Variants in IGLL5 observed in about 807,000 individuals in gnomAD.
The protein encoded by IGLL5 is immunoglobulin lambda-like polypeptide 5.
A neutral mutation model predicts 20.9 loss-of-function variants in IGLL5; 30 were observed. The observed-to-expected ratio is 1.44, with a 90% confidence interval of 1.07 to 1.95. IGLL5 has a LOEUF of 1.95. Ranked by LOEUF, IGLL5 falls within the 30% of genes most tolerant of loss-of-function variation. The pLI, the probability that IGLL5 is intolerant of heterozygous loss-of-function variation, is 0.00. For synonymous variants in IGLL5, 203 were observed against 117.3 expected (o/e 1.73, Z -4.72); for missense variants, 475 against 270.7 (o/e 1.75, Z -5.30).
intron 1 of IGLL5, among the ~76,000 whole-genome samples, chr22:22,890,066 A>T (rs1601610895): frequency 6.6e-6 from 1 of 150,574 alleles, no homozygotes; most frequent in African/African-American, 2.4e-5. Flanking sequence ...TTCTAATATA[A>T]TTTTTAATAC....
intron 1 of IGLL5, among the ~76,000 whole-genome samples, chr22:22,888,463 T>G (rs2067601188): frequency 2.0e-5 from 3 of 151,400 alleles, no homozygotes; most frequent in East Asian, 2.0e-4. Context: ...ATTACGATAT[T>G]ATTTTTCTTG....
rs755794558 is a variant in IGLL5 at position 22,888,173 on chromosome 22, C to T, written c.120C>T (p.Arg40=). 5.2e-6 allele frequency: 8 copies of T among 1,549,076 alleles called. No homozygotes were observed. Among genetic ancestry groups the T allele is most frequent in the Middle Eastern group, 1.7e-4 (1 of 5,798 alleles). ...GLAMVAHGLL[R]PMVAPQSGDP... The stretch of plus-strand genomic sequence containing the variant: ...CCATGGTCGCCCATGGCCTGCTGCG[C>T]CCAATGGTTGCACCGCAAAGCGGGG... Residue 40 remains arginine, a synonymous_variant, in exon 1 of 3, where the codon CGC becomes CGT. Transcript: ENST00000526893.
At position 22,888,203 on chromosome 22, in the gene IGLL5, A is replaced by C. The variant is rs1470123916; in HGVS notation, c.150A>C (p.Pro50=). 7 of 1,548,656 alleles carry C rather than the reference A, an allele frequency of 4.5e-6. No homozygotes were observed. The highest frequency in any genetic ancestry group is 4.1e-5 in the African/African-American group (3 of 72,882). The change falls in exon 1 of 3, where the codon CCA becomes CCC. Residue 50 remains proline (P), a synonymous_variant. Coordinates refer to ENST00000526893, the MANE Select transcript of IGLL5 (RefSeq NM_001178126.2). ...RPMVAPQSGD[P]DPGASVGSSR... is the part of the protein sequence containing the mutation. ...TGGTTGCACCGCAAAGCGGGGACCC[A>C]GACCCTGGAGCCTCAGTTGGAAGCA...
At chr22:22,889,548 T>G (rs532298340) in intron 1 of IGLL5, among the ~76,000 whole-genome samples, 3 of 151,262 alleles carry the variant, frequency 2.0e-5, no homozygotes, top group African/African-American at 7.3e-5. Flanking sequence ...TCCAAATATC[T>G]ACCAGAAAGG....
At chr22:22,895,315 G>C (rs376514403) in intron 2 of IGLL5, 60 bp from the exon 3 acceptor site, 1 of 1,482,732 alleles carries the variant, frequency 6.7e-7, no homozygotes, top group Non-Finnish European at 9.3e-7. Flanking sequence ...CAGAGAGAGG[G>C]GCTCCACAAC....
intron 1 of IGLL5, among the ~76,000 whole-genome samples, chr22:22,889,619 G>A (rs532688643): frequency 1.3e-5 from 2 of 151,278 alleles, no homozygotes; most frequent in African/African-American, 4.8e-5. Context: ...AAACAGTCTT[G>A]ATCTGTTGCT....
Position 22,888,143 on chromosome 22 carries a change from T to A in IGLL5, c.90T>A (p.Gly30=). 1 of 1,549,588 alleles carries A rather than the reference T, an allele frequency of 6.5e-7. No homozygotes were observed. The highest frequency in any genetic ancestry group is 8.7e-7 in the Non-Finnish European group (1 of 1,146,830). Residue 30 remains glycine, a synonymous_variant, in exon 1 of 3, where the codon GGT becomes GGA. Coordinates refer to ENST00000526893, the MANE Select transcript of IGLL5 (RefSeq NM_001178126.2). ...PRQRWPLLLL[G]LAMVAHGLLR... ...AGCGCTGGCCCCTGCTGCTGCTGGG[T>A]CTGGCCATGGTCGCCCATGGCCTGC...
chr22:22,894,608 T>A (rs1209343198), intron 2 of IGLL5, among the ~76,000 whole-genome samples: 1 of 148,858 alleles, frequency 6.7e-6, no homozygotes, highest in East Asian at 2.1e-4. Context: ...CAGAGGGGAG[T>A]GAATGAGGGG....
At position 22,888,128 on chromosome 22, in the gene IGLL5, C is replaced by A. The variant is rs532246432; in HGVS notation, c.75C>A (p.Pro25=). Residue 25 remains proline, a synonymous_variant, in exon 1 of 3, where the codon CCC becomes CCA. Transcript: ENST00000526893. ...GCCCTGGTCCCAGGCAGCGCTGGCC[C>A]CTGCTGCTGCTGGGTCTGGCCATGG... is the stretch of plus-strand genomic sequence containing the variant. ...ELGPGPRQRW[P]LLLLGLAMVA... is the part of the protein sequence containing the mutation. 1.3e-6 allele frequency: 2 copies of A among 1,549,556 alleles called. No individual in the cohort carries two copies. Among genetic ancestry groups the A allele is most frequent in the Admixed American group, 2.0e-5 (1 of 50,832 alleles).
At chr22:22,890,553 T>TTG (rs3029157) in intron 1 of IGLL5, among the ~76,000 whole-genome samples, 10,677 of 120,842 alleles carry the variant, frequency 0.088, 481 homozygotes, top group Middle Eastern at 0.13. Context: ...CAGTGGAAAT[T>TTG]TGTGTGTGTG....
At position 22,891,739 on chromosome 22, in the gene IGLL5, G is replaced by C. The variant is rs537415917; in HGVS notation, c.207-1961G>C. 2.7e-4 allele frequency among the ~76,000 whole-genome samples: 41 copies of C among 151,136 alleles called. 2 individuals carry two copies. The South Asian group carries it at 7.4e-3, about 27-fold the overall frequency. On this transcript the variant is annotated intron_variant, in intron 1 of 2. Transcript: ENST00000526893. ...CACACTTTGTTTTTTATTCATAAAG[G>C]GTTTGTAAATATAATTTTATTGAAG...
chr22:22,894,804 T>G lies in IGLL5; in HGVS notation c.326-571T>G, dbSNP rs2066698272. Among the ~76,000 whole-genome samples the G allele has an allele frequency of 1.3e-5, 2 of 151,196 alleles. 1 individual carries two copies. The highest frequency in any genetic ancestry group is 1.3e-4 in the Admixed American group (2 of 15,110). On this transcript the variant is annotated intron_variant, in intron 2 of 2. Transcript: ENST00000526893. ...AGCCTCAGAGGAGCCCTGAGGCTTG[T>G]CTAGGTGGAGCCCACTCCTTGCCAG...
chr22:22,890,457 A>T (rs2067800500), intron 1 of IGLL5, among the ~76,000 whole-genome samples: 1 of 150,026 alleles, frequency 6.7e-6, no homozygotes, highest in African/African-American at 2.5e-5. Flanking sequence ...AACCACATTC[A>T]TTGCTTATAA....
At chr22:22,889,282 G>A (rs898898227) in intron 1 of IGLL5, among the ~76,000 whole-genome samples, 4 of 151,114 alleles carry the variant, frequency 2.6e-5, no homozygotes, top group African/African-American at 7.3e-5. Flanking sequence ...TGAAATGGGA[G>A]CATGAAGTTG....
In IGLL5 at chr22:22,895,613, G is replaced by C. The variant is rs1217516542; in HGVS notation, c.564G>C (p.Lys188Asn). 8.7e-6 allele frequency: 14 copies of C among 1,613,328 alleles called. No individual in the cohort carries two copies. Among genetic ancestry groups the C allele is most frequent in the Admixed American group, 1.7e-5 (1 of 59,918 alleles). ...TGAGCCTGACGCCCGAGCAGTGGAA[G>C]TCCCACAGAAGCTACAGCTGCCAGG... Reference protein sequence around the residue: ...SYLSLTPEQWKSHRSYSCQVT... With the variant: ...SYLSLTPEQWNSHRSYSCQVT... The change falls in exon 3 of 3, where the codon AAG (lysine) becomes AAC (asparagine). Residue 188 changes from lysine to asparagine, a missense_variant. Coordinates refer to ENST00000526893, the MANE Select transcript of IGLL5 (RefSeq NM_001178126.2).
In IGLL5 at chr22:22,895,581, AG is replaced by A; in HGVS notation, c.533del (p.Ser178ThrfsTer3). ...GAGCAACAACAAGTACGCGGCCAGC[AG>A]CTACCTGAGCCTGACGCCCGAGCAG... Reference protein sequence around the residue: ...KQSNNKYAASSYLSLTPEQWK... With the variant: ...KQSNNKYAASXYLSLTPEQWK... On this transcript the variant is annotated frameshift_variant, in exon 3 of 3. Coordinates refer to ENST00000526893, the MANE Select transcript of IGLL5 (RefSeq NM_001178126.2). LOFTEE classifies it high-confidence loss of function. 1 of 1,613,292 alleles carries A rather than the reference AG, an allele frequency of 6.2e-7. No homozygotes were observed.
intron 2 of IGLL5, among the ~76,000 whole-genome samples, chr22:22,894,685 GGCT>G (rs1203219001): frequency 6.6e-6 from 1 of 150,542 alleles, no homozygotes; most frequent in Non-Finnish European, 1.5e-5. Flanking sequence ...TGGGCCTGGG[GGCT>G]GCTGAGTCTC....
intron 1 of IGLL5, among the ~76,000 whole-genome samples, chr22:22,892,668 T>C (rs565933167): frequency 3.3e-5 from 5 of 150,424 alleles, no homozygotes; most frequent in African/African-American, 9.8e-5. Context: ...CAAGCAGACA[T>C]AGGTTGAGGA....
chr22:22,890,312 A>AACACACACACACAC (rs372346670), intron 1 of IGLL5, among the ~76,000 whole-genome samples: 1 of 123,738 alleles, frequency 8.1e-6, no homozygotes, highest in Non-Finnish European at 1.7e-5. Flanking sequence ...TGTCCCTGAA[A>AACACACACACACAC]ACACACACAC....
Sources: allele counts gnomAD v4.1 joint callset (sites outside exome capture counted in the v4.1 genomes callset), GRCh38; gene constraint gnomAD v4.1.1; transcripts MANE v1.5; gene names NCBI Gene and HGNC (gene_info 2026-07-23, HGNC 2026-07-21).